CRTC3: variants seen among roughly 807,000 people sequenced by gnomAD.
CRTC3 encodes the protein CREB-regulated transcription coactivator 3.
Under a neutral mutation model 74.5 loss-of-function variants are expected in CRTC3, and 26 were observed. The observed-to-expected ratio is 0.35, with a 90% CI of 0.26 to 0.48. The LOEUF is 0.48. Ranked by LOEUF, CRTC3 falls within the 20% of genes least tolerant of loss-of-function variation. The pLI is 0.99. For synonymous variants in CRTC3, 377 were observed against 325.8 expected (o/e 1.16, Z -1.69); for missense variants, 760 against 787.3 (o/e 0.97, Z 0.41).
intron 13 of CRTC3, 24 bp downstream of exon 13, chr15:90,638,839 C>T (rs768788069): frequency 1.4e-5 from 23 of 1,590,814 alleles, no homozygotes; most frequent in African/African-American, 4.0e-5. Context: ...CCTGCCTTCT[C>T]CTCCCTTGGT....
intron 2 of CRTC3, among the ~76,000 whole-genome samples, chr15:90,567,688 C>T (rs547560590): frequency 3.7e-3 from 140 of 37,730 alleles, no homozygotes; most frequent in Non-Finnish European, 0.01. Flanking sequence ...AACTCCGTCT[C>T]AAAAAATAAA....
chr15:90,551,896 G>A lies in CRTC3; in HGVS notation c.231+11759G>A, dbSNP rs1596077743. Among the ~76,000 whole-genome samples, 5 of 152,252 alleles carry A rather than the reference G, an allele frequency of 3.3e-5. No individual in the cohort carries two copies. The South Asian group carries it at 1.0e-3, about 32-fold the overall frequency. On this transcript the variant is annotated intron_variant, in intron 2 of 14. Coordinates refer to ENST00000268184, the MANE Select transcript of CRTC3 (RefSeq NM_022769.5). ...GTTCCTCTGAAAGGGTGTGTGGTAA[G>A]GCGCGCCCTTACATTACATTACATT...
intron 6 of CRTC3, 79 bp from the exon 7 acceptor site, chr15:90,614,374 A>C: frequency 9.9e-7 from 1 of 1,014,898 alleles, no homozygotes; most frequent in Non-Finnish European, 1.5e-6. Flanking sequence ...AATCATAAAG[A>C]GTTACTGATT....
chr15:90,560,279 T>C (rs970997947), intron 2 of CRTC3, among the ~76,000 whole-genome samples: 1 of 152,332 alleles, frequency 6.6e-6, no homozygotes, highest in Middle Eastern at 3.4e-3. Flanking sequence ...TGACTTCCAG[T>C]TTACGTCACT....
chr15:90,550,982 G>A (rs998970332), intron 2 of CRTC3, among the ~76,000 whole-genome samples: 8 of 152,166 alleles, frequency 5.3e-5, no homozygotes, highest in Non-Finnish European at 8.8e-5. Context: ...TTTTCAGGTT[G>A]TGTAGGGCAG....
At position 90,620,724 on chromosome 15, in the gene CRTC3, A is replaced by G. The variant is rs577356950; in HGVS notation, c.749+934A>G. On this transcript the variant is annotated intron_variant, in intron 9 of 14. Transcript: ENST00000268184. ...GTCCCACCACTTGGAACTGAAGCCA[A>G]TTCAGAAACAGCAAGGCTGCAGGGC... Among the ~76,000 whole-genome samples, 11 of 152,304 alleles carry G rather than the reference A, an allele frequency of 7.2e-5. No homozygotes were observed. The South Asian group carries it at 1.7e-3, about 23-fold the overall frequency.
intron 3 of CRTC3, 58 bp downstream of exon 3, chr15:90,593,813 A>T: frequency 6.5e-7 from 1 of 1,533,582 alleles, no homozygotes; most frequent in Non-Finnish European, 8.9e-7. Context: ...AAAAGTTTTC[A>T]GGATTTATCT....
intron 2 of CRTC3, among the ~76,000 whole-genome samples, chr15:90,579,339 C>G (rs1007835207): frequency 3.9e-5 from 6 of 152,172 alleles, no homozygotes; most frequent in Non-Finnish European, 8.8e-5. Flanking sequence ...CTCCACTCTT[C>G]CCCACTGGGG....
In CRTC3 at chr15:90,539,784, C is replaced by T. The variant is rs1206467528; in HGVS notation, c.133-255C>T. The T allele has an allele frequency of 1.9e-5, 8 of 412,818 alleles. No homozygotes were observed. The East Asian group carries it at 4.2e-4, about 22-fold the overall frequency. The allele number at this position is 412,818 out of a possible 1,614,324, so 25.6% of individuals were successfully genotyped here. Reference sequence around the variant, plus strand: ...TTATGCCAGTGTATCCAAACATACACACTCAAAGACCTTGCAAGAGGACGT... The same window carrying T: ...TTATGCCAGTGTATCCAAACATACATACTCAAAGACCTTGCAAGAGGACGT... On this transcript the variant is annotated intron_variant, in intron 1 of 14. Coordinates refer to ENST00000268184, the MANE Select transcript of CRTC3 (RefSeq NM_022769.5).
chr15:90,641,889 G>T, intron 14 of CRTC3, 43 bp from the exon 15 acceptor site: 1 of 1,576,480 alleles, frequency 6.3e-7, no homozygotes, highest in South Asian at 1.1e-5. Flanking sequence ...GAGCCTTCGC[G>T]CCTCCTAACC....
intron 2 of CRTC3, among the ~76,000 whole-genome samples, chr15:90,544,460 C>T (rs1170840396): frequency 2.6e-5 from 4 of 152,200 alleles, no homozygotes; most frequent in Non-Finnish European, 5.9e-5. Context: ...ATTTAACCCA[C>T]TACATTGCAT....
At chr15:90,601,775 C>A (rs1446419628) in intron 3 of CRTC3, among the ~76,000 whole-genome samples, 1 of 152,192 alleles carries the variant, frequency 6.6e-6, no homozygotes, top group Non-Finnish European at 1.5e-5. Flanking sequence ...TTGAGACCTA[C>A]CTCTGTGGTA....
At chr15:90,560,157 A>T (rs1395526627) in intron 2 of CRTC3, among the ~76,000 whole-genome samples, 6 of 152,056 alleles carry the variant, frequency 3.9e-5, no homozygotes, top group Non-Finnish European at 8.8e-5. Flanking sequence ...TTAGCGCTCC[A>T]GGTTTGGTGG....
At chr15:90,634,854 G>A in intron 11 of CRTC3, 3 of 1,542,002 alleles carry the variant, frequency 1.9e-6, no homozygotes, top group South Asian at 2.2e-5. Context: ...AGTATTGCAA[G>A]CAACAGTAGT....
In CRTC3 at chr15:90,578,408, G is replaced by A. The variant is rs558132147; in HGVS notation, c.232-15228G>A. 5.3e-5 allele frequency among the ~76,000 whole-genome samples: 8 copies of A among 152,086 alleles called. 1 individual carries two copies. The highest frequency in any genetic ancestry group is 2.6e-4 in the Admixed American group (4 of 15,278). On this transcript the variant is annotated intron_variant, in intron 2 of 14. Coordinates refer to ENST00000268184, the MANE Select transcript of CRTC3 (RefSeq NM_022769.5). ...CTAAAAATACAAAAATTAGCGAGGC[G>A]TGGTGGCATACACCTGTAATCCCAG...
At chr15:90,631,714 G>C (rs1438588727) in intron 11 of CRTC3, among the ~76,000 whole-genome samples, 11 of 141,512 alleles carry the variant, frequency 7.8e-5, no homozygotes, top group Admixed American at 7.1e-4. Context: ...GGGTGACAGA[G>C]TTACTCTGTC....
chr15:90,615,081 A>AATAC (rs1261845532), intron 7 of CRTC3, among the ~76,000 whole-genome samples: 1 of 150,854 alleles, frequency 6.6e-6, no homozygotes, highest in Non-Finnish European at 1.5e-5. Flanking sequence ...TAAATAAATA[A>AATAC]ATAAATAAAT....
intron 2 of CRTC3, among the ~76,000 whole-genome samples, chr15:90,587,314 C>G (rs1567174764): frequency 6.6e-6 from 1 of 152,200 alleles, no homozygotes; most frequent in East Asian, 1.9e-4. Flanking sequence ...CTCTAAACTT[C>G]TACCTGGAAA....
chr15:90,574,756 TTA>T, intron 2 of CRTC3, among the ~76,000 whole-genome samples: 1 of 152,274 alleles, frequency 6.6e-6, no homozygotes, highest in East Asian at 1.9e-4. Flanking sequence ...AGTAGAAAAA[TTA>T]TGTTTCTGTT....
Sources: gnomAD v4.1 joint callset for allele counts (sites outside exome capture counted in the v4.1 genomes callset) on GRCh38, gnomAD v4.1.1 for gene constraint, MANE v1.5 for transcripts, NCBI Gene and HGNC (gene_info 2026-07-23, HGNC 2026-07-21) for gene names.